Variants in SSBP3 observed in about 807,000 individuals in gnomAD.
SSBP3 encodes single-stranded DNA-binding protein 3.
Under a neutral mutation model 69.6 loss-of-function variants are expected in SSBP3, and 5 were observed. The observed-to-expected ratio is 0.07, with a 90% CI of 0.04 to 0.15. SSBP3 has a LOEUF of 0.15. SSBP3 is among the 10% of genes least tolerant of loss of function. The pLI is 1.00. For synonymous variants in SSBP3, 196 were observed against 193.4 expected (o/e 1.01, Z -0.11); for missense variants, 312 against 534.0 (o/e 0.58, Z 4.10).
chr1:54,292,445 A>G (rs1039086091), intron 4 of SSBP3, among the ~76,000 whole-genome samples: 7 of 152,130 alleles, frequency 4.6e-5, no homozygotes, highest in African/African-American at 1.4e-4. Flanking sequence ...ACAGGAAGGG[A>G]TGAGAGTCCA....
At chr1:54,250,307 T>C (rs1278911700) in intron 9 of SSBP3, among the ~76,000 whole-genome samples, 1 of 152,236 alleles carries the variant, frequency 6.6e-6, no homozygotes, top group Non-Finnish European at 1.5e-5. Context: ...AGGACCTCCC[T>C]AAAATCTTTC....
intron 4 of SSBP3, among the ~76,000 whole-genome samples, chr1:54,289,044 A>AAC (rs1405004500): frequency 5.9e-5 from 3 of 51,272 alleles, no homozygotes; most frequent in South Asian, 4.5e-4. Context: ...AAACAAAAAA[A>AAC]CAAAAAAAAA....
intron 7 of SSBP3, among the ~76,000 whole-genome samples, chr1:54,252,517 GC>G (rs1465831763): frequency 6.6e-6 from 1 of 151,800 alleles, no homozygotes; most frequent in Non-Finnish European, 1.5e-5. Context: ...CAGCCCCGGG[GC>G]GGGACAGGTG....
intron 12 of SSBP3, 125 bp downstream of exon 12, chr1:54,241,349 A>G: frequency 9.1e-7 from 1 of 1,098,364 alleles, no homozygotes; most frequent in Non-Finnish European, 1.4e-6. Flanking sequence ...AGCAAGTTCT[A>G]GCAGTTTGGA....
intron 7 of SSBP3, chr1:54,255,606 C>T (rs1205282971): frequency 6.6e-6 from 1 of 152,190 alleles, no homozygotes; most frequent in Non-Finnish European, 1.5e-5. Context: ...CCTTTTGTTT[C>T]CTCATCTGTG....
At chr1:54,345,569 C>G (rs1646675647) in intron 4 of SSBP3, among the ~76,000 whole-genome samples, 1 of 152,228 alleles carries the variant, frequency 6.6e-6, no homozygotes, top group South Asian at 2.1e-4. Flanking sequence ...AAGGCCCTCT[C>G]TGAAGTGCTT....
intron 14 of SSBP3, among the ~76,000 whole-genome samples, chr1:54,230,871 T>A (rs1644368650): frequency 6.6e-6 from 1 of 152,202 alleles, no homozygotes; most frequent in African/African-American, 2.4e-5. Context: ...CAAAAAGTAG[T>A]CCACCGTATG....
At chr1:54,407,748 GAT>G (rs1649878563), upstream of SSBP3, among the ~76,000 whole-genome samples, 3 of 86,350 alleles carry the variant, frequency 3.5e-5, no homozygotes, top group African/African-American at 1.4e-4. Flanking sequence ...AGCCTAGGTT[GAT>G]TTTTTTTTTT....
intron 6 of SSBP3, 67 bp from the exon 7 acceptor site, chr1:54,257,253 T>G: frequency 7.2e-7 from 1 of 1,383,228 alleles, no homozygotes; most frequent in Non-Finnish European, 9.8e-7. Flanking sequence ...ACAAATGCTC[T>G]CCACTCCACA....
intron 4 of SSBP3, chr1:54,286,683 G>A (rs927602582): frequency 2.0e-5 from 3 of 152,318 alleles, no homozygotes; most frequent in Non-Finnish European, 2.9e-5. Context: ...TCCCACCCTA[G>A]GAGATGGATA....
At chr1:54,270,681 G>T (rs1378676549) in intron 5 of SSBP3, among the ~76,000 whole-genome samples, 1 of 152,174 alleles carries the variant, frequency 6.6e-6, no homozygotes. Context: ...TGGGCCTCTA[G>T]AACAGTACAG....
chr1:54,406,178 G>A (rs951443207), exon 1 of SSBP3: 452 of 488,430 alleles, frequency 9.3e-4, no homozygotes, highest in Non-Finnish European at 1.4e-3. Context: ...CCCAGGCGCT[G>A]GCTCCGCGCT....
At chr1:54,406,024 G>C in exon 1 of SSBP3, 1 of 1,445,422 alleles carries the variant, frequency 6.9e-7, no homozygotes, top group South Asian at 1.3e-5. Flanking sequence ...GCAGGGAAGA[G>C]GGCGCCGAGC....
intron 5 of SSBP3, among the ~76,000 whole-genome samples, chr1:54,275,948 T>C (rs930613367): frequency 1.3e-5 from 2 of 152,142 alleles, no homozygotes; most frequent in Non-Finnish European, 2.9e-5. Context: ...TCCCCTCTTA[T>C]TGTCTGGGTC....
chr1:54,358,271 C>T (rs1646899126), intron 4 of SSBP3, among the ~76,000 whole-genome samples: 1 of 152,174 alleles, frequency 6.6e-6, no homozygotes, highest in Non-Finnish European at 1.5e-5. Context: ...ATACTCTGAC[C>T]GGGCTCCATT....
chr1:54,360,997 G>T (rs549706892), intron 4 of SSBP3, among the ~76,000 whole-genome samples: 1 of 152,218 alleles, frequency 6.6e-6, no homozygotes, highest in South Asian at 2.1e-4. Context: ...GGCTGAGGTG[G>T]GAGGACTGCT....
chr1:54,231,769 A>G (rs1644382927), intron 14 of SSBP3, among the ~76,000 whole-genome samples: 1 of 152,138 alleles, frequency 6.6e-6, no homozygotes, highest in Non-Finnish European at 1.5e-5. Flanking sequence ...ATCTTGGCTC[A>G]CTGCAACCTC....
At chr1:54,353,052 C>CA (rs1382586101) in intron 4 of SSBP3, among the ~76,000 whole-genome samples, 3 of 152,212 alleles carry the variant, frequency 2.0e-5, no homozygotes, top group Non-Finnish European at 4.4e-5. Context: ...GCCGTGTCCT[C>CA]AGACCGTCAT....
At chr1:54,398,938 AACAG>A (rs1219854778) in intron 4 of SSBP3, among the ~76,000 whole-genome samples, 2 of 152,332 alleles carry the variant, frequency 1.3e-5, no homozygotes, top group South Asian at 2.1e-4. Flanking sequence ...AAGGTCAGTC[AACAG>A]ACACTTATTT....
Sources: allele counts gnomAD v4.1 joint callset (sites outside exome capture counted in the v4.1 genomes callset), GRCh38; gene constraint gnomAD v4.1.1; transcripts MANE v1.5; gene names NCBI Gene and HGNC (gene_info 2026-07-23, HGNC 2026-07-21).